CBR4: variants seen among roughly 807,000 people sequenced by gnomAD.
The protein encoded by CBR4 is 3-oxoacyl-[acyl-carrier-protein] reductase.
In CBR4, 22 loss-of-function variants were observed where a neutral mutation model predicts 21.0. The observed-to-expected ratio is 1.05, with a 90% CI of 0.75 to 1.50. The LOEUF (loss-of-function observed/expected upper bound fraction) is 1.50. Ranked by LOEUF, CBR4 falls within the 40% of genes most tolerant of loss-of-function variation. The pLI is 0.00. For synonymous variants in CBR4, 100 were observed against 104.4 expected (o/e 0.96, Z 0.26); for missense variants, 302 against 286.3 (o/e 1.05, Z -0.40).
chr4:168,925,192 C>T (rs1301908917), intron 2 of CBR4: 1 of 1,561,188 alleles, frequency 6.4e-7, no homozygotes. Flanking sequence ...TTTTATTTGT[C>T]AAAAAAATTC....
At chr4:168,978,808 C>T (rs1244370808) in intron 2 of CBR4, among the ~76,000 whole-genome samples, 5 of 152,138 alleles carry the variant, frequency 3.3e-5, no homozygotes, top group African/African-American at 1.2e-4. Flanking sequence ...GAGAAGCAGA[C>T]GAACTACAGG....
intron 2 of CBR4, among the ~76,000 whole-genome samples, chr4:168,973,696 C>T (rs146025112): frequency 2.0e-4 from 31 of 152,256 alleles, no homozygotes; most frequent in Admixed American, 4.6e-4. Context: ...TCATTGTTGG[C>T]GATTTTTTAA....
At chr4:168,906,666 C>T (rs1757866586) in intron 2 of CBR4, among the ~76,000 whole-genome samples, 1 of 151,940 alleles carries the variant, frequency 6.6e-6, no homozygotes, top group Non-Finnish European at 1.5e-5. Flanking sequence ...CCTCAGTCAC[C>T]CAGGCTGGAG....
chr4:168,966,510 G>A (rs1764038068), intron 2 of CBR4, among the ~76,000 whole-genome samples: 1 of 151,606 alleles, frequency 6.6e-6, no homozygotes, highest in African/African-American at 2.4e-5. Context: ...CTGGACGACA[G>A]AGCGAGACTC....
At chr4:168,961,260 T>G (rs1355087035) in intron 2 of CBR4, among the ~76,000 whole-genome samples, 2 of 152,232 alleles carry the variant, frequency 1.3e-5, no homozygotes, top group Non-Finnish European at 2.9e-5. Flanking sequence ...TTCATCCCTA[T>G]GCCAAGTGTT....
At chr4:168,995,876 T>G (rs535592010) in intron 4 of CBR4, among the ~76,000 whole-genome samples, 1 of 152,286 alleles carries the variant, frequency 6.6e-6, no homozygotes, top group African/African-American at 2.4e-5. Context: ...TAAGGTCTTG[T>G]TAAATGTTAT....
chr4:168,908,360 T>C (rs1421298120), intron 2 of CBR4, among the ~76,000 whole-genome samples: 1 of 152,196 alleles, frequency 6.6e-6, no homozygotes, highest in Non-Finnish European at 1.5e-5. Flanking sequence ...TTTGTTGCTG[T>C]AAGGATGCCA....
intron 2 of CBR4, among the ~76,000 whole-genome samples, chr4:168,974,139 T>A (rs954504264): frequency 6.6e-6 from 1 of 152,228 alleles, no homozygotes; most frequent in African/African-American, 2.4e-5. Flanking sequence ...TCGCTCAGCA[T>A]TTCTTTGTCT....
intron 4 of CBR4, among the ~76,000 whole-genome samples, chr4:168,996,174 A>T (rs957955845): frequency 6.6e-6 from 1 of 152,206 alleles, no homozygotes; most frequent in African/African-American, 2.4e-5. Flanking sequence ...ACTCTGCACT[A>T]AAAGTAAAGT....
intron 2 of CBR4, among the ~76,000 whole-genome samples, chr4:168,953,084 C>T (rs1185943937): frequency 1.3e-5 from 2 of 152,138 alleles, no homozygotes; most frequent in Non-Finnish European, 2.9e-5. Flanking sequence ...TTGGGCAGGT[C>T]TTGCTGCAGC....
intron 2 of CBR4, chr4:168,925,108 G>A (rs374872120): frequency 2.5e-5 from 40 of 1,609,542 alleles, no homozygotes; most frequent in African/African-American, 1.2e-4. Flanking sequence ...ATTTCATTGC[G>A]TTTACTCATT....
rs1010028281 is a variant in CBR4, at chr4:168,989,310, C to T, written c.*840G>A. 8.0e-5 allele frequency: 79 copies of T among 985,286 alleles called. No individual in the cohort carries two copies. The highest frequency in any genetic ancestry group is 5.2e-4 in the Middle Eastern group (1 of 1,914). 61.0% of individuals were successfully genotyped at this position (985,286 alleles called of 1,614,324 possible). ...ACATCCTAAGTTCATGAAATCTGTG[C>T]GGTTCACTACTGTACCAGGTATTAA... On this transcript the variant is annotated 3_prime_UTR_variant, in exon 5 of 5. Transcript: ENST00000306193.
In CBR4 at chr4:168,989,266, T is replaced by G. The variant is rs1367786254; in HGVS notation, c.*884A>C. 1.0e-6 allele frequency: 1 copy of G among 984,610 alleles called. No individual in the cohort carries two copies. The allele number at this position is 984,610 out of a possible 1,614,324, so 61.0% of individuals were successfully genotyped here. Reference sequence around the variant, plus strand: ...AATATTAATAGTTCACTATTCTAAGTTTTTCATGAATAAAAAACACATCCT... The same window carrying G: ...AATATTAATAGTTCACTATTCTAAGGTTTTCATGAATAAAAAACACATCCT... On this transcript the variant is annotated 3_prime_UTR_variant, in exon 5 of 5. Transcript: ENST00000306193.
chr4:168,962,039 T>C (rs1763878715), intron 2 of CBR4, among the ~76,000 whole-genome samples: 1 of 151,364 alleles, frequency 6.6e-6, no homozygotes, highest in Non-Finnish European at 1.5e-5. Context: ...AAAAAAACCA[T>C]TATATTAAAG....
At position 168,988,401 on chromosome 4, in the gene CBR4, C is replaced by T; in HGVS notation, c.*1749G>A. The T allele has an allele frequency of 1.0e-6, 1 of 985,454 alleles. No homozygotes were observed. The highest frequency in any genetic ancestry group is 1.7e-5 in the African/African-American group (1 of 57,366). 61.0% of individuals were successfully genotyped at this position (985,454 alleles called of 1,614,324 possible). A position where few individuals can be genotyped will look rare whatever the true frequency, so the allele number is the denominator to read the frequency against. ...AAAACATACTGCTTTCTACCCAAATCACCAATTGAATCAGCCTCGCTCATG... is the reference window on the plus strand; with the variant it reads ...AAAACATACTGCTTTCTACCCAAATTACCAATTGAATCAGCCTCGCTCATG... On this transcript the variant is annotated 3_prime_UTR_variant, in exon 5 of 5. Transcript: ENST00000306193.
chr4:168,904,620 A>G (rs1229466165), intron 2 of CBR4, among the ~76,000 whole-genome samples: 1 of 152,158 alleles, frequency 6.6e-6, no homozygotes, highest in African/African-American at 2.4e-5. Context: ...AGCTCAATGT[A>G]TGACAGGTAG....
downstream of CBR4, among the ~76,000 whole-genome samples, chr4:168,985,232 T>C (rs1456263355): frequency 6.6e-6 from 1 of 151,998 alleles, no homozygotes; most frequent in African/African-American, 2.4e-5. Context: ...TGGGCAAGGA[T>C]GTGAACAGAC....
intron 3 of CBR4, chr4:169,005,965 T>G: frequency 3.5e-6 from 4 of 1,153,256 alleles, no homozygotes; most frequent in Non-Finnish European, 4.6e-6. Flanking sequence ...ATACTATTAT[T>G]TCCAAATTAC....
At chr4:168,913,820 A>T (rs1425090349) in intron 2 of CBR4, 11 of 834,858 alleles carry the variant, frequency 1.3e-5, no homozygotes, top group Non-Finnish European at 2.1e-6. Context: ...GGCATACTGA[A>T]TTTTTTATGA....
Sources: gnomAD v4.1 joint callset for allele counts (sites outside exome capture counted in the v4.1 genomes callset) on GRCh38, gnomAD v4.1.1 for gene constraint, MANE v1.5 for transcripts, NCBI Gene and HGNC (gene_info 2026-07-23, HGNC 2026-07-21) for gene names.